PDE8A: variants seen among roughly 807,000 people sequenced by gnomAD.
PDE8A encodes phosphodiesterase 8A, also known as high affinity cAMP-specific and IBMX-insensitive 3',5'-cyclic phosphodiesterase 8A.
A neutral mutation model predicts 105.0 loss-of-function variants in PDE8A; 59 were observed. The ratio of observed to expected loss-of-function variants is 0.56; its 90% CI spans 0.46 to 0.70. PDE8A has a LOEUF of 0.70. PDE8A is among the 30% of genes least tolerant of loss of function. PDE8A has a pLI of 0.00. For missense variants in PDE8A, 1,014 were observed against 1,045.9 expected, an observed-to-expected ratio of 0.97 and a Z score of 0.42; for synonymous variants, 355 against 371.9, an observed-to-expected ratio of 0.95 and a Z score of 0.52.
At chr15:85,115,166 G>T in intron 14 of PDE8A, 1 of 418,250 alleles carries the variant, frequency 2.4e-6, no homozygotes, top group Non-Finnish European at 4.2e-6. Context: ...CTCAAAAGAT[G>T]CAGGCTCACC....
intron 1 of PDE8A, among the ~76,000 whole-genome samples, chr15:85,028,639 G>A (rs886129516): frequency 1.3e-5 from 2 of 152,130 alleles, no homozygotes; most frequent in African/African-American, 4.8e-5. Context: ...AGAGAAAAAA[G>A]TCACTTGCTT....
intron 3 of PDE8A, among the ~76,000 whole-genome samples, chr15:85,074,228 T>C (rs747267169): frequency 3.9e-5 from 6 of 152,116 alleles, no homozygotes; most frequent in Non-Finnish European, 5.9e-5. Flanking sequence ...GAAGCCCGAA[T>C]CCCTACAGGC....
At chr15:85,062,166 G>C (rs2081156380) in intron 1 of PDE8A, among the ~76,000 whole-genome samples, 1 of 152,104 alleles carries the variant, frequency 6.6e-6, no homozygotes, top group Non-Finnish European at 1.5e-5. Flanking sequence ...TGTGCTTTGT[G>C]AATTTGTGTT....
rs1235787401 is a variant in PDE8A at position 85,089,461 on chromosome 15, T to C, written c.714+45T>C. The C allele has an allele frequency of 2.8e-5, 32 of 1,156,256 alleles. No individual in the cohort carries two copies. The Admixed American group carries it at 5.5e-4, about 20-fold the overall frequency. 71.6% of individuals were successfully genotyped at this position (1,156,256 alleles called of 1,614,324 possible). ...TGTCTTTCTGGATTTCTTGTTTTGC[T>C]TTTTCCAACTTTTAGGATTGAACCT... On this transcript the variant is annotated intron_variant, in intron 7 of 21. Coordinates refer to ENST00000394553, the MANE Select transcript of PDE8A (RefSeq NM_002605.3).
At chr15:85,106,388 G>A (rs2081947992) in intron 11 of PDE8A, among the ~76,000 whole-genome samples, 2 of 151,910 alleles carry the variant, frequency 1.3e-5, no homozygotes, top group South Asian at 2.1e-4. Context: ...ATCTCCTTTC[G>A]AGTTCATGGA....
intron 1 of PDE8A, among the ~76,000 whole-genome samples, chr15:85,019,099 G>C (rs1262754922): frequency 1.3e-5 from 2 of 152,180 alleles, no homozygotes; most frequent in Non-Finnish European, 2.9e-5. Flanking sequence ...GCCCTTTGGT[G>C]GTAAGGGCAG....
intron 1 of PDE8A, among the ~76,000 whole-genome samples, chr15:85,007,512 G>A (rs1192678622): frequency 1.3e-5 from 2 of 151,588 alleles, no homozygotes; most frequent in Admixed American, 6.6e-5. Context: ...TACGCTATAT[G>A]TACTTTCTGT....
chr15:85,035,408 A>G (rs927037718), intron 1 of PDE8A, among the ~76,000 whole-genome samples: 1 of 151,332 alleles, frequency 6.6e-6, no homozygotes, highest in Non-Finnish European at 1.5e-5. Flanking sequence ...TGGGGTTTCA[A>G]CATGTTAGCC....
At chr15:85,008,520 T>A (rs1323270110) in intron 1 of PDE8A, among the ~76,000 whole-genome samples, 7 of 152,034 alleles carry the variant, frequency 4.6e-5, no homozygotes, top group Admixed American at 3.3e-4. Context: ...GCCCCATTTT[T>A]AATAACCGGA....
intron 1 of PDE8A, among the ~76,000 whole-genome samples, chr15:85,009,517 AAAG>A (rs1319924620): frequency 1.2e-4 from 18 of 152,228 alleles, no homozygotes; most frequent in Admixed American, 3.9e-4. Context: ...AAATTTGTGG[AAAG>A]AAGTACTCAC....
chr15:84,991,304 G>A (rs2079882287), intron 1 of PDE8A, among the ~76,000 whole-genome samples: 2 of 152,124 alleles, frequency 1.3e-5, no homozygotes, highest in African/African-American at 2.4e-5. Context: ...GAAAACAACC[G>A]CCCAGTTGAA....
chr15:85,091,278 C>T, intron 8 of PDE8A, 97 bp downstream of exon 8: 3 of 1,099,066 alleles, frequency 2.7e-6, no homozygotes, highest in Admixed American at 2.4e-5. Flanking sequence ...TAATCTTACT[C>T]CTCCCAGCAG....
chr15:85,133,200 C>G (rs987464648), intron 20 of PDE8A, among the ~76,000 whole-genome samples: 6 of 152,150 alleles, frequency 3.9e-5, no homozygotes, highest in African/African-American at 1.4e-4. Context: ...CCTGAAGTGT[C>G]TTGTCTGAGG....
At chr15:85,043,675 TG>T (rs2080844510) in intron 1 of PDE8A, among the ~76,000 whole-genome samples, 1 of 124,552 alleles carries the variant, frequency 8.0e-6, no homozygotes, top group African/African-American at 3.2e-5. Flanking sequence ...ATGAAATTAA[TG>T]GTTTTTTGTT....
intron 6 of PDE8A, among the ~76,000 whole-genome samples, chr15:85,084,895 C>G (rs1009013702): frequency 6.6e-6 from 1 of 151,002 alleles, no homozygotes; most frequent in African/African-American, 2.5e-5. Flanking sequence ...CAGTCACTGA[C>G]CAAGTCCAAT....
intron 1 of PDE8A, among the ~76,000 whole-genome samples, chr15:85,025,838 T>G (rs1447126111): frequency 6.6e-6 from 1 of 152,180 alleles, no homozygotes; most frequent in Admixed American, 6.5e-5. Context: ...GCCAGAACAA[T>G]GTGGCCCACC....
intron 1 of PDE8A, among the ~76,000 whole-genome samples, chr15:85,042,072 A>T (rs995468643): frequency 2.3e-5 from 3 of 128,134 alleles, no homozygotes; most frequent in Non-Finnish European, 1.7e-5. Flanking sequence ...CTTTAAAGAA[A>T]CCAATTTTTT....
chr15:85,020,920 AG>A (rs1252741309), intron 1 of PDE8A, among the ~76,000 whole-genome samples: 2 of 152,210 alleles, frequency 1.3e-5, no homozygotes, highest in African/African-American at 4.8e-5. Context: ...CAGTATTGTT[AG>A]TACCACAGAC....
At chr15:85,071,797 A>ATTGCATT (rs1187303148) in intron 3 of PDE8A, among the ~76,000 whole-genome samples, 2 of 152,196 alleles carry the variant, frequency 1.3e-5, no homozygotes, top group African/African-American at 4.8e-5. Context: ...GGGTGTGTAA[A>ATTGCATT]CAGGATGAGA....
Sources: allele counts gnomAD v4.1 joint callset (sites outside exome capture counted in the v4.1 genomes callset), GRCh38; gene constraint gnomAD v4.1.1; transcripts MANE v1.5; gene names NCBI Gene and HGNC (gene_info 2026-07-23, HGNC 2026-07-21).